Variants in KIF26B observed in about 807,000 individuals in gnomAD.
KIF26B encodes kinesin family member 26B.
KIF26B carries 63 observed loss-of-function variants against 151.2 expected under a neutral mutation model. That is an observed-to-expected ratio of 0.42 (90% CI 0.34 to 0.51). The LOEUF is 0.51. KIF26B is among the 20% of genes least tolerant of loss of function. KIF26B has a pLI of 0.07. For synonymous variants in KIF26B, 1,357 were observed against 1,262.1 expected, an observed-to-expected ratio of 1.08 and a Z score of -1.59; for missense variants, 2,813 against 2,913.6, an observed-to-expected ratio of 0.97 and a Z score of 0.79.
At chr1:245,194,523 T>C (rs990386734) in intron 2 of KIF26B, among the ~76,000 whole-genome samples, 2 of 152,132 alleles carry the variant, frequency 1.3e-5, no homozygotes, top group African/African-American at 4.8e-5. Flanking sequence ...ACTACAGGCA[T>C]GTGCCACCAT....
chr1:245,558,286 A>G (rs1176045912), intron 5 of KIF26B, among the ~76,000 whole-genome samples: 1 of 152,314 alleles, frequency 6.6e-6, no homozygotes, highest in African/African-American at 2.4e-5. Flanking sequence ...CCAAGGCTGC[A>G]GGGGGCTGGC....
chr1:245,415,756 T>G (rs1419713873), intron 3 of KIF26B, among the ~76,000 whole-genome samples: 1 of 152,066 alleles, frequency 6.6e-6, no homozygotes, highest in Non-Finnish European at 1.5e-5. Context: ...TGTCTGCACG[T>G]TTCTTAGAGC....
chr1:245,403,324 C>A (rs533072581), intron 3 of KIF26B, among the ~76,000 whole-genome samples: 5 of 152,300 alleles, frequency 3.3e-5, no homozygotes, highest in African/African-American at 1.2e-4. Context: ...GCTTCTGTAG[C>A]CTCCAACCCC....
chr1:245,168,518 T>A (rs1668652430), intron 2 of KIF26B, among the ~76,000 whole-genome samples: 1 of 152,224 alleles, frequency 6.6e-6, no homozygotes, highest in South Asian at 2.1e-4. Flanking sequence ...AAGTATTGCC[T>A]TAGAAATAAG....
chr1:245,419,830 A>G (rs572346406), intron 4 of KIF26B, 85 bp downstream of exon 4: 38 of 1,288,748 alleles, frequency 2.9e-5, no homozygotes, highest in Admixed American at 4.5e-5. Context: ...CTGAAACACT[A>G]GAAAGAGTTT....
At chr1:245,411,721 T>C (rs1232498629) in intron 3 of KIF26B, among the ~76,000 whole-genome samples, 1 of 152,118 alleles carries the variant, frequency 6.6e-6, no homozygotes, top group African/African-American at 2.4e-5. Flanking sequence ...ATTTTTATAG[T>C]CAGCTCCAGA....
intron 2 of KIF26B, among the ~76,000 whole-genome samples, chr1:245,314,144 T>A (rs1003606524): frequency 2.0e-5 from 3 of 152,150 alleles, no homozygotes; most frequent in African/African-American, 7.2e-5. Context: ...TGGCAGCACT[T>A]GCCCTTAAAA....
chr1:245,316,290 T>G (rs555554834), intron 2 of KIF26B, among the ~76,000 whole-genome samples: 27 of 152,000 alleles, frequency 1.8e-4, no homozygotes, highest in African/African-American at 6.3e-4. Context: ...CCTGGCTAAT[T>G]TTTTTGTATT....
intron 2 of KIF26B, among the ~76,000 whole-genome samples, chr1:245,331,152 A>G (rs1672101506): frequency 6.6e-6 from 1 of 152,050 alleles, no homozygotes; most frequent in Non-Finnish European, 1.5e-5. Flanking sequence ...GTGGCAGAGC[A>G]GAGCCTGCTG....
intron 2 of KIF26B, among the ~76,000 whole-genome samples, chr1:245,198,594 G>C (rs1669232467): frequency 6.6e-6 from 1 of 151,838 alleles, no homozygotes; most frequent in Admixed American, 6.6e-5. Context: ...TGGTGGTGGG[G>C]GCCTGTAATT....
intron 4 of KIF26B, among the ~76,000 whole-genome samples, chr1:245,472,043 C>T (rs767220264): frequency 2.6e-5 from 4 of 152,198 alleles, no homozygotes; most frequent in Non-Finnish European, 4.4e-5. Flanking sequence ...CCGCCCACCT[C>T]GGCTTCTCAA....
intron 3 of KIF26B, among the ~76,000 whole-genome samples, chr1:245,415,109 G>T (rs1015483550): frequency 2.0e-5 from 3 of 152,182 alleles, no homozygotes; most frequent in African/African-American, 7.2e-5. Flanking sequence ...TGCCTTCTAT[G>T]AGGAAGGAGA....
In KIF26B at chr1:245,419,606, C is replaced by T. The variant is rs527927388; in HGVS notation, c.1027C>T (p.Arg343Trp). 2.2e-5 allele frequency: 36 copies of T among 1,612,396 alleles called. No individual in the cohort carries two copies. In the South Asian group the frequency reaches 2.3e-4, roughly 10 times the overall value. The change falls in exon 4 of 15, where the codon CGG becomes TGG. Residue 343 changes from arginine to tryptophan, a missense_variant. Arg to Trp is a moderately radical substitution (Grantham distance 101). Coordinates refer to ENST00000407071, the MANE Select transcript of KIF26B (RefSeq NM_018012.4). ...QISQLMTESSREGLTEAVLNR... is the reference protein window; with the variant it reads ...QISQLMTESSWEGLTEAVLNR... ...CTCCCAGCTGATGACAGAGAGTAGCCGGGAGGGACTAACAGAAGCAGTGCT... is the reference window on the plus strand; with the variant it reads ...CTCCCAGCTGATGACAGAGAGTAGCTGGGAGGGACTAACAGAAGCAGTGCT...
chr1:245,279,539 G>A (rs1040441675), intron 2 of KIF26B, among the ~76,000 whole-genome samples: 4 of 151,842 alleles, frequency 2.6e-5, no homozygotes, highest in African/African-American at 9.7e-5. Context: ...CAACTCCTGG[G>A]CTCAAGTGAT....
chr1:245,279,805 A>T (rs529403813), intron 2 of KIF26B, among the ~76,000 whole-genome samples: 1 of 151,566 alleles, frequency 6.6e-6, no homozygotes, highest in South Asian at 2.1e-4. Context: ...GCATTTTATT[A>T]TACAAAGTTA....
intron 10 of KIF26B, among the ~76,000 whole-genome samples, chr1:245,653,457 T>C (rs1378009659): frequency 1.3e-5 from 2 of 152,088 alleles, no homozygotes; most frequent in Non-Finnish European, 2.9e-5. Context: ...CAGCCGGGCG[T>C]TGTTCTCACT....
chr1:245,629,008 AAG>A (rs1362096436), intron 9 of KIF26B, among the ~76,000 whole-genome samples: 4 of 152,224 alleles, frequency 2.6e-5, no homozygotes, highest in South Asian at 2.1e-4. Flanking sequence ...CATCGCTACA[AAG>A]AGAATAAAAT....
At chr1:245,614,721 G>A (rs948361069) in intron 9 of KIF26B, 1 of 152,312 alleles carries the variant, frequency 6.6e-6, no homozygotes, top group Non-Finnish European at 1.5e-5. Flanking sequence ...GACAGCCCAT[G>A]ATGGTGAGCA....
intron 5 of KIF26B, among the ~76,000 whole-genome samples, chr1:245,547,385 G>T (rs1661768847): frequency 6.6e-6 from 1 of 151,982 alleles, no homozygotes; most frequent in Non-Finnish European, 1.5e-5. Flanking sequence ...AGAAGTTCGA[G>T]ACCAGCCTGG....
Sources: gnomAD v4.1 joint callset for allele counts (sites outside exome capture counted in the v4.1 genomes callset) on GRCh38, gnomAD v4.1.1 for gene constraint, MANE v1.5 for transcripts, NCBI Gene and HGNC (gene_info 2026-07-23, HGNC 2026-07-21) for gene names.